SMAP1: variants seen among roughly 807,000 people sequenced by gnomAD.
The protein encoded by SMAP1 is stromal membrane-associated protein 1.
Under a neutral mutation model 58.5 loss-of-function variants are expected in SMAP1, and 24 were observed. The ratio of observed to expected loss-of-function variants is 0.41; its 90% CI spans 0.30 to 0.58. The LOEUF (loss-of-function observed/expected upper bound fraction) is 0.58, where lower values mean the gene tolerates loss of function less well. SMAP1 is among the 20% of genes least tolerant of loss of function. SMAP1 has a pLI of 0.29. For missense variants in SMAP1, 563 were observed against 566.3 expected (o/e 0.99, Z 0.06); for synonymous variants, 216 against 196.6 (o/e 1.10, Z -0.82).
chr6:70,786,968 C>A (rs991518237), intron 4 of SMAP1, among the ~76,000 whole-genome samples: 2 of 152,034 alleles, frequency 1.3e-5, no homozygotes, highest in African/African-American at 4.8e-5. Context: ...TCATATGGAA[C>A]CAAAAAAGAG....
rs186071433 is a variant in SMAP1, at chr6:70,742,803, C to T, written c.252+10292C>T. 9.5e-4 allele frequency among the ~76,000 whole-genome samples: 144 copies of T among 152,256 alleles called. 1 individual carries two copies. The highest frequency in any genetic ancestry group is 1.8e-4 in the Non-Finnish European group (12 of 68,024). The stretch of plus-strand genomic sequence containing the variant: ...CAGTTTCACATGCCTGGGGAGGCCT[C>T]ACAATCATGGCAGAAGGTGAAAGGC... On this transcript the variant is annotated intron_variant, in intron 2 of 10. Transcript: ENST00000370455.
intron 5 of SMAP1, among the ~76,000 whole-genome samples, chr6:70,798,092 T>C (rs980700356): frequency 6.6e-6 from 1 of 152,096 alleles, no homozygotes; most frequent in Non-Finnish European, 1.5e-5. Flanking sequence ...AGCACTATCT[T>C]GAACATTATT....
intron 1 of SMAP1, among the ~76,000 whole-genome samples, chr6:70,682,208 A>G (rs1766745434): frequency 3.0e-5 from 2 of 65,886 alleles, no homozygotes; most frequent in Non-Finnish European, 5.8e-5. Context: ...TTTTTTTTTG[A>G]GATAGAGTCT....
At chr6:70,715,878 C>T (rs929399333) in intron 1 of SMAP1, among the ~76,000 whole-genome samples, 7 of 142,132 alleles carry the variant, frequency 4.9e-5, no homozygotes, top group African/African-American at 1.8e-4. Context: ...TTTTATCCCT[C>T]ACCCGCTTTC....
At chr6:70,753,427 C>T (rs1352604771) in intron 2 of SMAP1, among the ~76,000 whole-genome samples, 1 of 152,090 alleles carries the variant, frequency 6.6e-6, no homozygotes, top group Non-Finnish European at 1.5e-5. Flanking sequence ...TGGTCTAGTT[C>T]TTTCCAAATG....
In SMAP1 at chr6:70,860,826, C is replaced by A; in HGVS notation, c.*492C>A. 1 of 396,784 alleles carries A rather than the reference C, an allele frequency of 2.5e-6. No homozygotes were observed. The highest frequency in any genetic ancestry group is 1.3e-4 in the South Asian group (1 of 7,536). 24.6% of individuals were successfully genotyped at this position (396,784 alleles called of 1,614,324 possible). A position where few individuals can be genotyped will look rare whatever the true frequency, so the allele number is the denominator to read the frequency against. ...ATCAAAATGCTCTTATTTCATCATT[C>A]ACTTCACTGTGCTGTTGTTATGATG... On this transcript the variant is annotated 3_prime_UTR_variant, in exon 11 of 11. Transcript: ENST00000370455.
chr6:70,768,358 C>A (rs1043948614), intron 3 of SMAP1, among the ~76,000 whole-genome samples: 8 of 152,056 alleles, frequency 5.3e-5, no homozygotes, highest in African/African-American at 1.9e-4. Context: ...TGGTAGAATT[C>A]GGCTGTGAAT....
At position 70,838,415 on chromosome 6, in the gene SMAP1, T is replaced by C. The variant is rs140077318; in HGVS notation, c.664+1387T>C. 2.0e-3 allele frequency among the ~76,000 whole-genome samples: 300 copies of C among 152,320 alleles called. 3 individuals are homozygous for C. The East Asian group carries it at 0.038, about 19-fold the overall frequency. On this transcript the variant is annotated intron_variant, in intron 7 of 10. Transcript: ENST00000370455. ...TGCCTTCTGGGGCTTTCATTCCATC[T>C]GGAGAGACAGTGAATAAACAATTAA...
At chr6:70,805,959 G>T (rs1043353066) in intron 6 of SMAP1, among the ~76,000 whole-genome samples, 5 of 152,172 alleles carry the variant, frequency 3.3e-5, no homozygotes, top group Non-Finnish European at 7.3e-5. Flanking sequence ...GCTACACGGG[G>T]GTCAGGGACC....
intron 3 of SMAP1, among the ~76,000 whole-genome samples, chr6:70,768,488 T>C (rs913894476): frequency 2.6e-5 from 4 of 152,316 alleles, no homozygotes; most frequent in African/African-American, 9.6e-5. Flanking sequence ...GGAGGGTGTA[T>C]GTGTCGAGGA....
At position 70,692,944 on chromosome 6, in the gene SMAP1, C is replaced by T. The variant is rs148597001; in HGVS notation, c.118+24803C>T. On this transcript the variant is annotated intron_variant, in intron 1 of 10. Coordinates refer to ENST00000370455, the MANE Select transcript of SMAP1 (RefSeq NM_001044305.3). Reference sequence around the variant, plus strand: ...GACTACAGGTGCCCACTACCATGCCCGGCTAATTTTTTGTATTTTTAGTAG... The same window carrying T: ...GACTACAGGTGCCCACTACCATGCCTGGCTAATTTTTTGTATTTTTAGTAG... Among the ~76,000 whole-genome samples the T allele has an allele frequency of 8.3e-3, 1,264 of 152,056 alleles. 15 individuals carry two copies. Among genetic ancestry groups the T allele is most frequent in the African/African-American group, 0.029 (1,208 of 41,474 alleles).
chr6:70,710,082 A>T (rs1272500552), intron 1 of SMAP1, among the ~76,000 whole-genome samples: 1 of 152,176 alleles, frequency 6.6e-6, no homozygotes, highest in Admixed American at 6.5e-5. Flanking sequence ...TATTGCTCCT[A>T]GGCGACAAAC....
chr6:70,829,503 TGATA>T lies in SMAP1; in HGVS notation c.577-7431_577-7428del, dbSNP rs367851200. Among the ~76,000 whole-genome samples the T allele has an allele frequency of 6.3e-3, 954 of 152,302 alleles. 12 individuals carry two copies. The highest frequency in any genetic ancestry group is 0.022 in the African/African-American group (906 of 41,558). ...AATATTTATTTTTAAATCTAATTTT[TGATA>T]GATAGAAATTATTCAGCAAAAGGCA... On this transcript the variant is annotated intron_variant, in intron 6 of 10. Transcript: ENST00000370455.
chr6:70,763,476 TACA>T (rs1766840099), intron 3 of SMAP1, among the ~76,000 whole-genome samples: 1 of 152,206 alleles, frequency 6.6e-6, no homozygotes, highest in African/African-American at 2.4e-5. Context: ...TATTCTGTGA[TACA>T]ACATTAACAC....
At chr6:70,858,998 C>T (rs1274401299) in intron 10 of SMAP1, 2 of 184,712 alleles carry the variant, frequency 1.1e-5, no homozygotes, top group East Asian at 2.9e-4. Context: ...GAGGTTCATG[C>T]TCCCACTCTT....
At chr6:70,762,408 A>T (rs1291917270) in intron 3 of SMAP1, among the ~76,000 whole-genome samples, 1 of 152,156 alleles carries the variant, frequency 6.6e-6, no homozygotes, top group Non-Finnish European at 1.5e-5. Context: ...GCCTTTAAGG[A>T]AAAGTTTGCC....
intron 1 of SMAP1, among the ~76,000 whole-genome samples, chr6:70,671,779 C>T (rs1299542681): frequency 1.3e-5 from 2 of 152,162 alleles, no homozygotes; most frequent in African/African-American, 2.4e-5. Context: ...AAAGTTCATT[C>T]ATTTTGTAGC....
At chr6:70,805,118 C>G (rs911019907) in intron 6 of SMAP1, among the ~76,000 whole-genome samples, 1 of 152,088 alleles carries the variant, frequency 6.6e-6, no homozygotes, top group Non-Finnish European at 1.5e-5. Flanking sequence ...TTCATTCTCC[C>G]CATCACTTTC....
intron 4 of SMAP1, 85 bp downstream of exon 4, chr6:70,773,510 G>A (rs1205372387): frequency 8.1e-6 from 6 of 739,268 alleles, no homozygotes; most frequent in Non-Finnish European, 1.3e-5. Flanking sequence ...TTTATTTATT[G>A]TGAAAACATA....
Sources: allele counts gnomAD v4.1 joint callset (sites outside exome capture counted in the v4.1 genomes callset), GRCh38; gene constraint gnomAD v4.1.1; transcripts MANE v1.5; gene names NCBI Gene and HGNC (gene_info 2026-07-23, HGNC 2026-07-21).